Variants in GRM1 observed in about 807,000 individuals in gnomAD.
GRM1 encodes the protein glutamate metabotropic receptor 1.
A neutral mutation model predicts 90.9 loss-of-function variants in GRM1; 33 were observed. The ratio of observed to expected loss-of-function variants is 0.36; its 90% confidence interval spans 0.28 to 0.49. The LOEUF (loss-of-function observed/expected upper bound fraction) is 0.49, where lower values mean the gene tolerates loss of function less well. Among genes scored for constraint, GRM1 ranks in the 20% least tolerant of loss-of-function variants. The probability of loss-of-function intolerance (pLI) is 0.99; values close to 1 mark genes in which losing one functional copy is unlikely to be tolerated. For missense variants in GRM1, 1,190 were observed against 1,534.3 expected (o/e 0.78, Z 3.75); for synonymous variants, 700 against 613.2 (o/e 1.14, Z -2.09).
chr6:146,133,586 A>G (rs1040099339), intron 1 of GRM1, among the ~76,000 whole-genome samples: 5 of 152,146 alleles, frequency 3.3e-5, no homozygotes, highest in Admixed American at 3.3e-4. Flanking sequence ...TTTCCCTCTC[A>G]GGAGTCCTCT....
intron 6 of GRM1, among the ~76,000 whole-genome samples, chr6:146,391,233 C>T (rs780817424): frequency 3.3e-5 from 5 of 152,010 alleles, no homozygotes; most frequent in Non-Finnish European, 7.4e-5. Flanking sequence ...TATAAGTACC[C>T]TAACATTTGA....
chr6:146,325,222 T>A lies in GRM1; in HGVS notation c.1186+20376T>A, dbSNP rs139436818. On this transcript the variant is annotated intron_variant, in intron 3 of 7. Coordinates refer to ENST00000282753, the MANE Select transcript of GRM1 (RefSeq NM_001278064.2). ...TTTTGAGTAGGACTGGAGCTTATTT[T>A]CATCATAAGAGGGACAAAAAGAAAG... Among the ~76,000 whole-genome samples, 295 of 152,324 alleles carry A rather than the reference T, an allele frequency of 1.9e-3. 1 individual carries two copies. Among genetic ancestry groups the A allele is most frequent in the African/African-American group, 6.8e-3 (284 of 41,578 alleles).
chr6:146,364,903 C>T (rs1413468861), intron 5 of GRM1: 2 of 151,854 alleles, frequency 1.3e-5, no homozygotes, highest in Non-Finnish European at 2.9e-5. Context: ...AGAAAGTTAA[C>T]AATAACATCT....
intron 2 of GRM1, among the ~76,000 whole-genome samples, chr6:146,290,491 G>A (rs1782941876): frequency 1.3e-5 from 2 of 152,114 alleles, no homozygotes; most frequent in African/African-American, 4.8e-5. Flanking sequence ...AAAAAAGGAA[G>A]CATGACTCAG....
At chr6:146,254,231 T>C (rs1781402910) in intron 2 of GRM1, among the ~76,000 whole-genome samples, 1 of 152,136 alleles carries the variant, frequency 6.6e-6, no homozygotes, top group Non-Finnish European at 1.5e-5. Context: ...AGAAAGAGTG[T>C]GTGCTAGCTG....
intron 7 of GRM1, among the ~76,000 whole-genome samples, chr6:146,420,888 G>C (rs1777965670): frequency 6.6e-6 from 1 of 152,146 alleles, no homozygotes; most frequent in South Asian, 2.1e-4. Flanking sequence ...CCACTTTGTA[G>C]TCTCATAATA....
intron 1 of GRM1, among the ~76,000 whole-genome samples, chr6:146,069,475 A>G (rs767051078): frequency 2.0e-5 from 3 of 152,200 alleles, no homozygotes; most frequent in Admixed American, 6.5e-5. Flanking sequence ...AAAAATATAC[A>G]GATAAGGTTT....
Position 146,356,695 on chromosome 6 carries a change from T to C in GRM1, c.1434-831T>C, listed in dbSNP as rs554804757. 2.6e-5 allele frequency among the ~76,000 whole-genome samples: 4 copies of C among 152,334 alleles called. No individual in the cohort carries two copies. The East Asian group carries it at 7.7e-4, about 29-fold the overall frequency. On this transcript the variant is annotated intron_variant, in intron 4 of 7. Coordinates refer to ENST00000282753, the MANE Select transcript of GRM1 (RefSeq NM_001278064.2). ...TAAAGAGTTTAGTGGCATTCCTAAG[T>C]AGTATAATCTACTGTTAAAATGTTA...
Position 146,398,782 on chromosome 6 carries a change from T to G in GRM1, c.1743T>G (p.Ile581Met). The change falls in exon 7 of 8, where the codon ATT becomes ATG. Residue 581 changes from isoleucine (I) to methionine (M), a missense_variant. This residue lies in a region of GRM1 where 414 missense variants were observed against 598.4 expected (regional missense o/e 0.69). Transcript: ENST00000282753. ...PNADLTGCEP[I>M]PVRYLEWSNI... ...TTCTCATCACAGGCTGTGAGCCCAT[T>G]CCTGTGCGCTATCTTGAGTGGAGCA... 6.2e-7 allele frequency: 1 copy of G among 1,610,756 alleles called. No individual in the cohort carries two copies. Among genetic ancestry groups the G allele is most frequent in the Non-Finnish European group, 8.5e-7 (1 of 1,176,934 alleles).
At chr6:146,396,081 T>TATCTATCC (rs1776917210) in intron 6 of GRM1, among the ~76,000 whole-genome samples, 2 of 147,586 alleles carry the variant, frequency 1.4e-5, no homozygotes, top group African/African-American at 5.1e-5. Flanking sequence ...TCTATCTATC[T>TATCTATCC]ATCTATCTAT....
At chr6:146,040,290 G>A (rs1254476977) in intron 1 of GRM1, among the ~76,000 whole-genome samples, 2 of 151,976 alleles carry the variant, frequency 1.3e-5, no homozygotes, top group African/African-American at 2.4e-5. Context: ...AGCGATACAT[G>A]AGACTGTGTA....
intron 1 of GRM1, among the ~76,000 whole-genome samples, chr6:146,122,062 A>C (rs562858988): frequency 1.3e-5 from 2 of 152,276 alleles, no homozygotes; most frequent in African/African-American, 4.8e-5. Context: ...ATTGTGTGGG[A>C]GTCTAAGTCT....
intron 7 of GRM1, among the ~76,000 whole-genome samples, chr6:146,400,012 G>T (rs1193874794): frequency 6.6e-6 from 1 of 152,182 alleles, no homozygotes; most frequent in Non-Finnish European, 1.5e-5. Flanking sequence ...TTACCCTTTC[G>T]CATGGGACCT....
chr6:146,067,865 G>A (rs76755285), intron 1 of GRM1, among the ~76,000 whole-genome samples: 3 of 152,228 alleles, frequency 2.0e-5, no homozygotes, highest in East Asian at 1.9e-4. Context: ...ATATTGTGAC[G>A]TGATAAAATG....
intron 2 of GRM1, among the ~76,000 whole-genome samples, chr6:146,225,127 C>T (rs146885895): frequency 2.5e-4 from 38 of 152,220 alleles, no homozygotes; most frequent in African/African-American, 5.5e-4. Flanking sequence ...CCTTGTTTTT[C>T]GTTTTGTATG....
intron 2 of GRM1, among the ~76,000 whole-genome samples, chr6:146,211,473 AT>A (rs2114647189): frequency 6.6e-6 from 1 of 152,310 alleles, no homozygotes; most frequent in South Asian, 2.1e-4. Flanking sequence ...GAAGTTTGAT[AT>A]TTAATCAGGT....
chr6:146,283,649 C>T (rs1432335194), intron 2 of GRM1, among the ~76,000 whole-genome samples: 3 of 152,114 alleles, frequency 2.0e-5, no homozygotes, highest in Admixed American at 6.5e-5. Context: ...CTTGCTACGA[C>T]AGGTATAGTT....
chr6:146,359,941 A>G (rs1160444430), intron 5 of GRM1, among the ~76,000 whole-genome samples: 1 of 151,812 alleles, frequency 6.6e-6, no homozygotes, highest in Non-Finnish European at 1.5e-5. Context: ...GTGAGGGGGG[A>G]TGTTTGTTTT....
chr6:146,213,936 T>G (rs146301390), intron 2 of GRM1, among the ~76,000 whole-genome samples: 4 of 152,180 alleles, frequency 2.6e-5, no homozygotes, highest in African/African-American at 9.6e-5. Flanking sequence ...AGGGGGCCAT[T>G]GGTGTAAGTC....
Sources: allele counts gnomAD v4.1 joint callset (sites outside exome capture counted in the v4.1 genomes callset), GRCh38; gene constraint gnomAD v4.1.1; regional missense constraint gnomAD v4.1.1; transcripts MANE v1.5; gene names NCBI Gene and HGNC (gene_info 2026-07-23, HGNC 2026-07-21).